LRP1B: variants seen among roughly 807,000 people sequenced by gnomAD.
The protein encoded by LRP1B is LDL receptor related protein 1B.
In LRP1B, 217 loss-of-function variants were observed where a neutral mutation model predicts 556.6. The observed-to-expected ratio is 0.39, with a 90% CI of 0.35 to 0.44. The LOEUF (loss-of-function observed/expected upper bound fraction) is 0.44. LRP1B is among the 20% of genes least tolerant of loss of function. The pLI, the probability that LRP1B is intolerant of heterozygous loss-of-function variation, is 1.00. For synonymous variants in LRP1B, 2,047 were observed against 1,865.8 expected, an observed-to-expected ratio of 1.10 and a Z score of -2.50; for missense variants, 5,053 against 5,620.8, an observed-to-expected ratio of 0.90 and a Z score of 3.23.
intron 2 of LRP1B, among the ~76,000 whole-genome samples, chr2:141,604,234 C>T (rs1458672518): frequency 6.6e-6 from 1 of 152,062 alleles, no homozygotes; most frequent in Non-Finnish European, 1.5e-5. Context: ...ATAAATTATA[C>T]AAAATGGTTG....
At chr2:140,663,137 A>C (rs1456560908) in intron 41 of LRP1B, among the ~76,000 whole-genome samples, 1 of 152,228 alleles carries the variant, frequency 6.6e-6, no homozygotes, top group South Asian at 2.1e-4. Context: ...CCTGTAACTT[A>C]TCAACCAACA....
rs116048675 is a variant in LRP1B, at chr2:140,670,722, G to A, written c.6799+29528C>T. Among the ~76,000 whole-genome samples, 1,373 of 152,212 alleles carry A rather than the reference G, an allele frequency of 9.0e-3. 22 individuals are homozygous for A. The highest frequency in any genetic ancestry group is 0.031 in the African/African-American group (1,281 of 41,522). On this transcript the variant is annotated intron_variant, in intron 41 of 90. Coordinates refer to ENST00000389484, the MANE Select transcript of LRP1B (RefSeq NM_018557.3). ...TAAGAGCAGTTCAGTACAAATCCAG[G>A]CAAAGAGAATCCCTAGAATAATGTT...
chr2:140,745,752 A>G (rs1480735743), intron 35 of LRP1B, among the ~76,000 whole-genome samples: 2 of 152,150 alleles, frequency 1.3e-5, no homozygotes, highest in Admixed American at 6.6e-5. Flanking sequence ...CATCCTTGGT[A>G]TAAAAAACAG....
chr2:141,083,579 T>A (rs1029688717), intron 7 of LRP1B, among the ~76,000 whole-genome samples: 13 of 152,192 alleles, frequency 8.5e-5, no homozygotes, highest in African/African-American at 3.1e-4. Context: ...AATGTGGCGA[T>A]GTTAAAAGGT....
intron 1 of LRP1B, among the ~76,000 whole-genome samples, chr2:141,865,544 A>G (rs1216969101): frequency 7.0e-6 from 1 of 143,156 alleles, no homozygotes; most frequent in Non-Finnish European, 1.5e-5. Flanking sequence ...GCGAGCCGAG[A>G]TCCCGCCACT....
At chr2:141,690,420 T>C (rs192126576) in intron 2 of LRP1B, among the ~76,000 whole-genome samples, 1 of 130,950 alleles carries the variant, frequency 7.6e-6, no homozygotes, top group African/African-American at 2.8e-5. Context: ...TATATATATA[T>C]ATATATATAT....
intron 2 of LRP1B, among the ~76,000 whole-genome samples, chr2:141,754,990 C>T (rs1342242193): frequency 1.3e-5 from 2 of 151,224 alleles, no homozygotes; most frequent in East Asian, 3.9e-4. Context: ...CCAAACTCTG[C>T]TATCCTCTTA....
At chr2:140,501,664 TG>T in intron 55 of LRP1B, 22 bp downstream of exon 55, 1 of 1,540,962 alleles carries the variant, frequency 6.5e-7, no homozygotes, top group Middle Eastern at 1.7e-4. Flanking sequence ...TCGTATGATT[TG>T]CTACTTTTGA....
intron 1 of LRP1B, among the ~76,000 whole-genome samples, chr2:142,034,601 A>C (rs1350465838): frequency 1.3e-5 from 2 of 151,716 alleles, no homozygotes; most frequent in African/African-American, 4.8e-5. Flanking sequence ...TATCATTTGC[A>C]TTTTTAGTAC....
intron 2 of LRP1B, among the ~76,000 whole-genome samples, chr2:141,562,822 G>A (rs1686210492): frequency 6.6e-6 from 1 of 151,956 alleles, no homozygotes. Flanking sequence ...TAGACAACTG[G>A]TAATAATTGC....
chr2:141,667,386 G>A (rs1327943151), intron 2 of LRP1B, among the ~76,000 whole-genome samples: 1 of 152,038 alleles, frequency 6.6e-6, no homozygotes, highest in African/African-American at 2.4e-5. Flanking sequence ...TTAAATATAC[G>A]TATATTTAAA....
chr2:141,960,874 C>T (rs1406182006), intron 1 of LRP1B, among the ~76,000 whole-genome samples: 1 of 151,622 alleles, frequency 6.6e-6, no homozygotes, highest in East Asian at 1.9e-4. Context: ...ATTTTAAAAG[C>T]ATAATATCTT....
chr2:141,084,602 T>G (rs964682825), intron 7 of LRP1B, among the ~76,000 whole-genome samples: 3 of 152,064 alleles, frequency 2.0e-5, no homozygotes, highest in Non-Finnish European at 4.4e-5. Context: ...CCTATCTTTA[T>G]TTCATCGTTT....
chr2:140,526,068 G>A (rs2104968779), intron 48 of LRP1B, 75 bp from the exon 49 acceptor site: 4 of 1,479,756 alleles, frequency 2.7e-6, no homozygotes, highest in Non-Finnish European at 2.8e-6. Context: ...AGGTCATAGA[G>A]ATGAGAAAAG....
intron 81 of LRP1B, 132 bp downstream of exon 81, chr2:140,323,761 T>TCAAAATTAAAGTTAC (rs1680294871): frequency 2.3e-6 from 1 of 434,476 alleles, no homozygotes; most frequent in Non-Finnish European, 4.0e-6. Flanking sequence ...TCTAGTGACA[T>TCAAAATTAAAGTTAC]CAAAATTAAA....
chr2:141,049,671 A>G (rs1698979365), intron 10 of LRP1B, among the ~76,000 whole-genome samples: 1 of 152,126 alleles, frequency 6.6e-6, no homozygotes, highest in African/African-American at 2.4e-5. Flanking sequence ...TTGCATCTAC[A>G]AATTGTCAGA....
intron 66 of LRP1B, among the ~76,000 whole-genome samples, chr2:140,403,357 G>GA (rs1222416828): frequency 1.2e-4 from 19 of 152,164 alleles, no homozygotes; most frequent in African/African-American, 4.1e-4. Context: ...AGAGAAAGGT[G>GA]AAAAATTACA....
In LRP1B at chr2:141,055,238, A is replaced by G. The variant is rs758691984; in HGVS notation, c.1430T>C (p.Val477Ala). The G allele has an allele frequency of 2.2e-5, 36 of 1,610,550 alleles. No homozygotes were observed. Among genetic ancestry groups the G allele is most frequent in the Admixed American group, 6.7e-5 (4 of 59,520 alleles). ...QPTVRSHACE[V>A]DPYGMPGGCS... ...GCCCCCTGGCATTCCATATGGATCG[A>G]CTTCACATGCATGGCTTCTGACTAC... The change falls in exon 10 of 91, where the codon GTC becomes GCC. Residue 477 changes from valine to alanine, a missense_variant. Around this residue, in one of 5 missense-constraint regions of LRP1B, gnomAD observed 3,619 missense variants for 3,931.9 expected, o/e 0.92. Coordinates refer to ENST00000389484, the MANE Select transcript of LRP1B (RefSeq NM_018557.3).
intron 2 of LRP1B, among the ~76,000 whole-genome samples, chr2:141,643,583 T>A (rs1010130037): frequency 6.6e-6 from 1 of 152,190 alleles, no homozygotes; most frequent in African/African-American, 2.4e-5. Flanking sequence ...AAGTACAAAC[T>A]AGTTGAAACG....
Sources: gnomAD v4.1 joint callset for allele counts (sites outside exome capture counted in the v4.1 genomes callset) on GRCh38, gnomAD v4.1.1 for gene constraint, gnomAD v4.1.1 regional missense constraint, MANE v1.5 for transcripts, NCBI Gene and HGNC (gene_info 2026-07-23, HGNC 2026-07-21) for gene names.